Variants in NCOA2 observed in about 807,000 individuals in gnomAD.
NCOA2 encodes nuclear receptor coactivator 2.
Under a neutral mutation model 145.1 loss-of-function variants are expected in NCOA2, and 21 were observed. The ratio of observed to expected loss-of-function variants is 0.14; its 90% CI spans 0.10 to 0.21. The LOEUF (loss-of-function observed/expected upper bound fraction) is 0.21. Among genes scored for constraint, NCOA2 ranks in the 10% least tolerant of loss-of-function variants. The probability of loss-of-function intolerance (pLI) is 1.00; values close to 1 mark genes in which losing one functional copy is unlikely to be tolerated. For missense variants in NCOA2, 1,472 were observed against 1,837.6 expected (o/e 0.80, Z 3.64); for synonymous variants, 619 against 637.5 (o/e 0.97, Z 0.44).
At chr8:70,425,350 C>G in the NCOA2 span, among the ~76,000 whole-genome samples, 2 of 151,936 alleles carry the variant, frequency 1.3e-5, no homozygotes, top group Non-Finnish European at 2.9e-5. Context: ...TGGATGAGTT[C>G]TTTAGTGGTG....
At chr8:70,140,603 T>G (rs957534311) in intron 14 of NCOA2, among the ~76,000 whole-genome samples, 1 of 144,580 alleles carries the variant, frequency 6.9e-6, no homozygotes. Context: ...GTTTTTTTTT[T>G]TTTTTTTTTT....
At chr8:70,210,692 C>G (rs1818923206) in intron 4 of NCOA2, among the ~76,000 whole-genome samples, 3 of 152,168 alleles carry the variant, frequency 2.0e-5, no homozygotes, top group Admixed American at 2.0e-4. Context: ...ACTGACAGAG[C>G]ACAGACTTGA....
chr8:70,402,343 C>G (rs755611431), intron 1 of NCOA2: 20 of 152,374 alleles, frequency 1.3e-4, no homozygotes, highest in Non-Finnish European at 2.2e-4. Context: ...AAAGTTTCCC[C>G]TACCAGTGAC....
chr8:70,201,049 C>CAAAA (rs60951750), intron 4 of NCOA2, among the ~76,000 whole-genome samples: 15 of 63,920 alleles, frequency 2.3e-4, no homozygotes, highest in African/African-American at 7.3e-4. Flanking sequence ...GACTGTGTCT[C>CAAAA]AAAAAAAAAA....
At chr8:70,328,578 A>T (rs1459634358) in intron 1 of NCOA2, among the ~76,000 whole-genome samples, 5 of 152,192 alleles carry the variant, frequency 3.3e-5, no homozygotes, top group African/African-American at 1.2e-4. Context: ...AATATCAGTG[A>T]TTAAGCAGGC....
intron 2 of NCOA2, among the ~76,000 whole-genome samples, chr8:70,230,004 T>C (rs1185615905): frequency 6.6e-6 from 1 of 152,202 alleles, no homozygotes; most frequent in Non-Finnish European, 1.5e-5. Context: ...ATTTACCAGG[T>C]ATTTAGTTAG....
intron 1 of NCOA2, among the ~76,000 whole-genome samples, chr8:70,299,237 T>C (rs1267156324): frequency 6.6e-6 from 1 of 152,178 alleles, no homozygotes; most frequent in Non-Finnish European, 1.5e-5. Context: ...AAACTAGTAG[T>C]CATTTAAAGC....
intron 2 of NCOA2, among the ~76,000 whole-genome samples, chr8:70,225,860 A>G (rs546751523): frequency 5.3e-5 from 8 of 152,316 alleles, no homozygotes; most frequent in Middle Eastern, 3.4e-3. Context: ...GACCCGTGGC[A>G]AGTTATTTAA....
chr8:70,336,002 A>T (rs973009863), intron 1 of NCOA2, among the ~76,000 whole-genome samples: 8 of 152,226 alleles, frequency 5.3e-5, no homozygotes, highest in African/African-American at 1.7e-4. Flanking sequence ...GAAGATTTTT[A>T]AAAAATTATA....
At chr8:70,291,954 T>C (rs1826720358) in intron 2 of NCOA2, among the ~76,000 whole-genome samples, 1 of 151,390 alleles carries the variant, frequency 6.6e-6, no homozygotes, top group African/African-American at 2.4e-5. Context: ...CGGGCGCCTG[T>C]AGTCCCAGCT....
intron 1 of NCOA2, among the ~76,000 whole-genome samples, chr8:70,341,696 T>A (rs1417059413): frequency 1.3e-5 from 2 of 152,202 alleles, no homozygotes; most frequent in East Asian, 3.9e-4. Context: ...AATATTACTG[T>A]CTTGTTTATA....
intron 1 of NCOA2, among the ~76,000 whole-genome samples, chr8:70,324,835 T>C (rs539038913): frequency 5.9e-5 from 9 of 152,290 alleles, no homozygotes; most frequent in Non-Finnish European, 1.2e-4. Flanking sequence ...CCTTTCCCCC[T>C]TTAATGAAGT....
At chr8:70,147,125 CGCGT>C (rs1341719558) in intron 12 of NCOA2, among the ~76,000 whole-genome samples, 72 of 145,392 alleles carry the variant, frequency 5.0e-4, no homozygotes, top group Middle Eastern at 3.5e-3. Context: ...CGCGCGCGCG[CGCGT>C]GTGTGTGTGT....
chr8:70,215,843 T>C (rs754143255), intron 3 of NCOA2, among the ~76,000 whole-genome samples: 47 of 152,250 alleles, frequency 3.1e-4, no homozygotes, highest in Non-Finnish European at 6.5e-4. Context: ...TTTTCTTCCT[T>C]GTTTATACAG....
intron 1 of NCOA2, among the ~76,000 whole-genome samples, chr8:70,370,293 GCT>G (rs1811095218): frequency 6.6e-6 from 1 of 152,124 alleles, no homozygotes; most frequent in Non-Finnish European, 1.5e-5. Flanking sequence ...CTTTCATGGA[GCT>G]CTCTAGAAAT....
At chr8:70,121,087 A>T in intron 22 of NCOA2, among the ~76,000 whole-genome samples, 1 of 152,242 alleles carries the variant, frequency 6.6e-6, no homozygotes, top group East Asian at 1.9e-4. Flanking sequence ...AAAAAAATTT[A>T]GTGTTCTTAA....
intron 2 of NCOA2, among the ~76,000 whole-genome samples, chr8:70,281,990 A>C (rs1825921596): frequency 6.6e-6 from 1 of 152,192 alleles, no homozygotes; most frequent in South Asian, 2.1e-4. Context: ...CTTTCTCTAC[A>C]ACTTAAGATC....
At chr8:70,336,620 GAA>G (rs1807621301) in intron 1 of NCOA2, among the ~76,000 whole-genome samples, 3 of 152,024 alleles carry the variant, frequency 2.0e-5, no homozygotes, top group South Asian at 2.1e-4. Context: ...GAGGGAGAGA[GAA>G]AGAGAGAGAG....
intron 11 of NCOA2, among the ~76,000 whole-genome samples, chr8:70,153,513 C>T (rs923732968): frequency 6.6e-6 from 1 of 152,144 alleles, no homozygotes; most frequent in Non-Finnish European, 1.5e-5. Flanking sequence ...CCCTCTAAGT[C>T]CCTTGGGCCT....
Sources: allele counts gnomAD v4.1 joint callset (sites outside exome capture counted in the v4.1 genomes callset), GRCh38; gene constraint gnomAD v4.1.1; transcripts MANE v1.5; gene names NCBI Gene and HGNC (gene_info 2026-07-23, HGNC 2026-07-21).